The following UGP2 variants were observed in gnomAD, a reference collection of about 807,000 sequenced individuals.
UGP2 encodes UDP-glucose pyrophosphorylase 2, also known as UTP--glucose-1-phosphate uridylyltransferase.
Under a neutral mutation model 49.0 loss-of-function variants are expected in UGP2, and 40 were observed. That is an observed-to-expected ratio of 0.82 (90% confidence interval 0.63 to 1.06). The LOEUF is 1.06. Among genes scored for constraint, UGP2 ranks in the 50% least tolerant of loss-of-function variants. UGP2 has a pLI of 0.00. For synonymous variants in UGP2, 225 were observed against 213.0 expected (o/e 1.06, Z -0.49); for missense variants, 460 against 603.5 (o/e 0.76, Z 2.49).
upstream of UGP2, chr2:63,841,593 G>C (rs550036811): frequency 6.6e-6 from 1 of 152,438 alleles, no homozygotes; most frequent in African/African-American, 2.4e-5. Flanking sequence ...GCGTGGAATT[G>C]GTAGCGCCTC....
intron 3 of UGP2, among the ~76,000 whole-genome samples, chr2:63,864,410 TATC>T (rs1372338308): frequency 2.0e-5 from 3 of 152,220 alleles, no homozygotes; most frequent in Non-Finnish European, 4.4e-5. Flanking sequence ...TTTATGTGCT[TATC>T]AACAACAGTA....
chr2:63,876,719 G>C (rs969845329), intron 3 of UGP2, among the ~76,000 whole-genome samples: 3 of 152,214 alleles, frequency 2.0e-5, no homozygotes, highest in African/African-American at 7.2e-5. Context: ...ACACATCACA[G>C]AGAAATCTGG....
chr2:63,882,717 T>G (rs1221596346), intron 4 of UGP2, 66 bp downstream of exon 4: 2 of 1,403,552 alleles, frequency 1.4e-6, no homozygotes, highest in Non-Finnish European at 1.9e-6. Flanking sequence ...TTATCATAAA[T>G]GTTATAAAAT....
rs762421534 is a variant in UGP2, at chr2:63,857,923, C to T, written c.242C>T (p.Pro81Leu). The T allele has an allele frequency of 4.3e-6, 7 of 1,613,302 alleles. No individual in the cohort carries two copies. The highest frequency in any genetic ancestry group is 5.9e-6 in the Non-Finnish European group (7 of 1,179,722). ...PSVDWGKIQR[P>L]PEDSIQPYEK... Reference sequence around the variant, plus strand: ...GTGGATTGGGGAAAAATCCAGAGACCCCCTGAAGATTCGGTAAGTTTTAGA... The same window carrying T: ...GTGGATTGGGGAAAAATCCAGAGACTCCCTGAAGATTCGGTAAGTTTTAGA... The change falls in exon 3 of 10, where the codon CCC becomes CTC. Residue 81 changes from proline to leucine, a missense_variant. Coordinates refer to ENST00000337130, the MANE Select transcript of UGP2 (RefSeq NM_006759.4).
At chr2:63,871,326 C>A (rs1467563347) in intron 3 of UGP2, among the ~76,000 whole-genome samples, 1 of 152,110 alleles carries the variant, frequency 6.6e-6, no homozygotes, top group Non-Finnish European at 1.5e-5. Context: ...GCTCTTACTG[C>A]CCAGGCTGGA....
chr2:63,870,032 C>T (rs1387806095), intron 3 of UGP2, among the ~76,000 whole-genome samples: 4 of 151,334 alleles, frequency 2.6e-5, no homozygotes, highest in Admixed American at 6.6e-5. Flanking sequence ...ACACCATTCT[C>T]CTGCCTCAGC....
intron 3 of UGP2, among the ~76,000 whole-genome samples, chr2:63,875,157 A>G (rs1670831660): frequency 2.6e-5 from 4 of 152,242 alleles, no homozygotes; most frequent in Admixed American, 2.0e-4. Context: ...TTGGCACACA[A>G]ACCCTGTGCA....
rs925661301 is a variant in UGP2 at position 63,856,427 on chromosome 2, A to C, written c.141A>C (p.Glu47Asp). The part of the protein sequence containing the change: ...EKILTTASSH[E>D]FEHTKKDLDG... ...TACTCACCACAGCATCATCACATGAATTTGAGGTAAGGAGGTTTCTACAGT... is the reference window on the plus strand; with the variant it reads ...TACTCACCACAGCATCATCACATGACTTTGAGGTAAGGAGGTTTCTACAGT... Residue 47 changes from glutamate (E) to aspartate (D), a missense_variant, in exon 2 of 10, where the codon GAA (glutamate) becomes GAC (aspartate). Physicochemically the swap from Glu to Asp is conservative, Grantham distance 45 (BLOSUM62 2). This residue lies in a region of UGP2 where 143 missense variants were observed against 130.4 expected (regional missense o/e 1.10). Coordinates refer to ENST00000337130, the MANE Select transcript of UGP2 (RefSeq NM_006759.4). 4 of 1,611,318 alleles carry C rather than the reference A, an allele frequency of 2.5e-6. No individual in the cohort carries two copies. In the African/African-American group the frequency reaches 5.3e-5, roughly 22 times the overall value.
At chr2:63,862,103 G>C (rs1475553307) in intron 3 of UGP2, among the ~76,000 whole-genome samples, 1 of 152,000 alleles carries the variant, frequency 6.6e-6, no homozygotes, top group Non-Finnish European at 1.5e-5. Context: ...CATATAGGAT[G>C]ATTTGCTTTG....
chr2:63,871,969 A>G (rs1453164898), intron 3 of UGP2, among the ~76,000 whole-genome samples: 1 of 152,264 alleles, frequency 6.6e-6, no homozygotes, highest in Non-Finnish European at 1.5e-5. Flanking sequence ...TATAGGCCAT[A>G]CAATTTGGGG....
At chr2:63,854,855 T>A (rs1241033546) in intron 1 of UGP2, 1 of 152,266 alleles carries the variant, frequency 6.6e-6, no homozygotes, top group Non-Finnish European at 1.5e-5. Context: ...ATTTCTCGAG[T>A]TTGATCCTGT....
chr2:63,856,625 C>CT (rs1183713836), intron 2 of UGP2, 192 bp downstream of exon 2: 7 of 626,948 alleles, frequency 1.1e-5, no homozygotes, highest in Non-Finnish European at 1.6e-5. Context: ...AATCCATTAT[C>CT]TTTTTTTCAT....
rs368903467 is a variant in UGP2 at position 63,857,809 on chromosome 2, A to G, written c.148-20A>G. The stretch of plus-strand genomic sequence containing the variant: ...TATTAAGCATTCTGCTGGTTGTAAC[A>G]ATGACTTCTATTTTCACAGCACACC... On this transcript the variant is annotated intron_variant, in intron 2 of 9. Transcript: ENST00000337130. 2 of 1,602,548 alleles carry G rather than the reference A, an allele frequency of 1.2e-6. No individual in the cohort carries two copies. The highest frequency in any genetic ancestry group is 2.7e-5 in the African/African-American group (2 of 74,284).
intron 1 of UGP2, among the ~76,000 whole-genome samples, chr2:63,849,686 G>A (rs192571041): frequency 1.3e-5 from 2 of 152,226 alleles, no homozygotes; most frequent in African/African-American, 2.4e-5. Context: ...ACCTGGAGGT[G>A]GTAAACCATG....
intron 4 of UGP2, 100 bp from the exon 5 acceptor site, chr2:63,883,860 G>C: frequency 7.0e-7 from 1 of 1,437,556 alleles, no homozygotes; most frequent in Non-Finnish European, 9.4e-7. Flanking sequence ...TACAGATGAT[G>C]TTTTAGATAT....
intron 3 of UGP2, among the ~76,000 whole-genome samples, chr2:63,877,252 A>C (rs951535982): frequency 6.6e-6 from 1 of 152,192 alleles, no homozygotes; most frequent in African/African-American, 2.4e-5. Context: ...ATATTTTCCA[A>C]CTATTTTTGC....
chr2:63,853,891 G>A (rs140879999), intron 1 of UGP2, among the ~76,000 whole-genome samples: 1 of 152,284 alleles, frequency 6.6e-6, no homozygotes, highest in East Asian at 1.9e-4. Flanking sequence ...AAAAGTTATT[G>A]CCTGTTCTAT....
chr2:63,865,650 T>C (rs1009289878), intron 3 of UGP2, among the ~76,000 whole-genome samples: 1 of 151,898 alleles, frequency 6.6e-6, no homozygotes, highest in African/African-American at 2.4e-5. Context: ...GGGATCCTCT[T>C]GCCTCGACCT....
chr2:63,863,508 G>C (rs1038601506), intron 3 of UGP2, among the ~76,000 whole-genome samples: 2 of 152,110 alleles, frequency 1.3e-5, no homozygotes, highest in African/African-American at 4.8e-5. Context: ...ACATGAGTTT[G>C]AGAGGCAAAT....
Sources: gnomAD v4.1 joint callset for allele counts (sites outside exome capture counted in the v4.1 genomes callset) on GRCh38, gnomAD v4.1.1 for gene constraint, gnomAD v4.1.1 regional missense constraint, MANE v1.5 for transcripts, NCBI Gene and HGNC (gene_info 2026-07-23, HGNC 2026-07-21) for gene names.